Variants in DLGAP2 observed in about 807,000 individuals in gnomAD.
DLGAP2 encodes the protein DLG associated protein 2, also known as disks large-associated protein 2.
In DLGAP2, 26 loss-of-function variants were observed where a neutral mutation model predicts 100.3. The ratio of observed to expected loss-of-function variants is 0.26; its 90% CI spans 0.19 to 0.36. DLGAP2 has a LOEUF of 0.36. Among genes scored for constraint, DLGAP2 ranks in the 10% least tolerant of loss-of-function variants. The pLI is 1.00. For synonymous variants in DLGAP2, 886 were observed against 630.1 expected (o/e 1.41, Z -6.08); for missense variants, 1,858 against 1,453.2 (o/e 1.28, Z -4.53).
chr8:1,220,958 T>A (rs761238348), intron 2 of DLGAP2, among the ~76,000 whole-genome samples: 2 of 152,214 alleles, frequency 1.3e-5, no homozygotes, highest in Non-Finnish European at 2.9e-5. Flanking sequence ...TTGATAGATC[T>A]TTCTCCATAC....
At chr8:1,217,207 A>C (rs888301043) in intron 2 of DLGAP2, among the ~76,000 whole-genome samples, 6 of 152,050 alleles carry the variant, frequency 3.9e-5, no homozygotes, top group African/African-American at 7.2e-5. Context: ...GAGAACATGG[A>C]GTATTTAGTT....
intron 2 of DLGAP2, among the ~76,000 whole-genome samples, chr8:1,180,919 G>C (rs1797373582): frequency 7.0e-6 from 1 of 143,636 alleles, no homozygotes; most frequent in African/African-American, 2.6e-5. Context: ...GTGGGTGGCT[G>C]TGCAAGGGCA....
chr8:1,163,811 C>T (rs1432129013), intron 2 of DLGAP2, among the ~76,000 whole-genome samples: 1 of 152,174 alleles, frequency 6.6e-6, no homozygotes, highest in Non-Finnish European at 1.5e-5. Context: ...AGCAGCTGCC[C>T]GCGGGGTGTG....
chr8:1,682,710 G>A, intron 12 of DLGAP2, among the ~76,000 whole-genome samples: 1 of 151,504 alleles, frequency 6.6e-6, no homozygotes, highest in East Asian at 1.9e-4. Flanking sequence ...CTGGCCTCAA[G>A]TGATCTGCCC....
At chr8:1,587,077 C>T (rs1051475995) in intron 6 of DLGAP2, among the ~76,000 whole-genome samples, 1 of 152,166 alleles carries the variant, frequency 6.6e-6, no homozygotes, top group African/African-American at 2.4e-5. Flanking sequence ...TGGCTTATTG[C>T]CTGTTTCCCT....
intron 2 of DLGAP2, among the ~76,000 whole-genome samples, chr8:982,339 T>G (rs1428266133): frequency 6.6e-6 from 1 of 152,234 alleles, no homozygotes; most frequent in Non-Finnish European, 1.5e-5. Context: ...ATAATTTTTA[T>G]TTTCAACTAG....
chr8:1,365,409 C>G (rs1802087240), intron 3 of DLGAP2, among the ~76,000 whole-genome samples: 2 of 152,150 alleles, frequency 1.3e-5, no homozygotes, highest in Non-Finnish European at 2.9e-5. Context: ...GCTCTCCTCT[C>G]CAACCGTGGA....
chr8:886,856 TAG>T (rs955006311), intron 1 of DLGAP2, among the ~76,000 whole-genome samples: 1 of 152,178 alleles, frequency 6.6e-6, no homozygotes, highest in Admixed American at 6.5e-5. Flanking sequence ...TGATTGGGGG[TAG>T]AGAGTTCTGT....
chr8:1,451,012 T>C (rs1798144639), intron 3 of DLGAP2, among the ~76,000 whole-genome samples: 1 of 152,146 alleles, frequency 6.6e-6, no homozygotes, highest in Admixed American at 6.5e-5. Flanking sequence ...GGTCACCGAA[T>C]TCCAGGGCAT....
chr8:1,559,290 A>G (rs2130552701), intron 5 of DLGAP2, among the ~76,000 whole-genome samples: 1 of 152,340 alleles, frequency 6.6e-6, no homozygotes, highest in Admixed American at 6.5e-5. Flanking sequence ...ACTGAAGGCC[A>G]TAAAGCCATT....
chr8:860,865 G>A (rs1055023813), intron 1 of DLGAP2, among the ~76,000 whole-genome samples: 4 of 152,094 alleles, frequency 2.6e-5, no homozygotes, highest in Admixed American at 2.6e-4. Flanking sequence ...AAATCATGAC[G>A]CCTATGAAGA....
In DLGAP2 at chr8:1,330,722, G is replaced by A. The variant is rs73670760; in HGVS notation, c.106+71839G>A. 9.1e-4 allele frequency among the ~76,000 whole-genome samples: 119 copies of A among 131,112 alleles called. 3 individuals carry two copies. The highest frequency in any genetic ancestry group is 3.3e-3 in the African/African-American group (111 of 33,310). 86.0% of individuals were successfully genotyped at this position (131,112 alleles called of 152,430 possible). On this transcript the variant is annotated intron_variant, in intron 3 of 14. Coordinates refer to ENST00000637795, the MANE Select transcript of DLGAP2 (RefSeq NM_001346810.2). The stretch of plus-strand genomic sequence containing the variant: ...GTGGGATTGAGTTCTGGGTGGGAGC[G>A]CCACTTCACCAGGACTGAGTTCTGG...
At chr8:1,408,341 G>T (rs943918351) in intron 3 of DLGAP2, among the ~76,000 whole-genome samples, 1 of 152,218 alleles carries the variant, frequency 6.6e-6, no homozygotes, top group African/African-American at 2.4e-5. Context: ...CCTTCCCTCG[G>T]GGAGGCGTCT....
chr8:1,624,943 A>G (rs920876639), intron 6 of DLGAP2, among the ~76,000 whole-genome samples: 1 of 151,972 alleles, frequency 6.6e-6, no homozygotes, highest in African/African-American at 2.4e-5. Context: ...GCTATATGTT[A>G]TACATTTTCT....
chr8:1,569,938 T>G (rs1488039437), intron 6 of DLGAP2, among the ~76,000 whole-genome samples: 1 of 151,832 alleles, frequency 6.6e-6, no homozygotes, highest in Non-Finnish European at 1.5e-5. Flanking sequence ...GGGTAGATCT[T>G]CACCCCATGG....
At chr8:1,595,760 A>G (rs1001716615) in intron 6 of DLGAP2, among the ~76,000 whole-genome samples, 13 of 151,322 alleles carry the variant, frequency 8.6e-5, no homozygotes, top group African/African-American at 3.1e-4. Context: ...CAAATTCACC[A>G]CTACCCTGCC....
intron 3 of DLGAP2, among the ~76,000 whole-genome samples, chr8:1,266,570 A>G (rs1191671216): frequency 3.9e-5 from 6 of 152,236 alleles, no homozygotes; most frequent in African/African-American, 9.6e-5. Flanking sequence ...TTCCACATTC[A>G]TAATCTTGCC....
rs115905272 is a variant in DLGAP2 at position 1,082,483 on chromosome 8, G to A, written c.73+174517G>A. 8.3e-3 allele frequency among the ~76,000 whole-genome samples: 1,269 copies of A among 152,312 alleles called. 14 individuals are homozygous for A. Among genetic ancestry groups the A allele is most frequent in the African/African-American group, 0.02 (851 of 41,562 alleles). On this transcript the variant is annotated intron_variant, in intron 2 of 14. Transcript: ENST00000637795. Reference sequence around the variant, plus strand: ...CATTGGGGGTGCCGTGGCTCTCAGAGGAAACTGATAGCAAACTCATGCACA... The same window carrying A: ...CATTGGGGGTGCCGTGGCTCTCAGAAGAAACTGATAGCAAACTCATGCACA...
chr8:1,092,551 G>C (rs934872894), intron 2 of DLGAP2, among the ~76,000 whole-genome samples: 1 of 152,198 alleles, frequency 6.6e-6, no homozygotes, highest in Non-Finnish European at 1.5e-5. Context: ...GGGGGCTGTG[G>C]CCGGCTCTGT....
Sources: allele counts gnomAD v4.1 joint callset (sites outside exome capture counted in the v4.1 genomes callset), GRCh38; gene constraint gnomAD v4.1.1; transcripts MANE v1.5; gene names NCBI Gene and HGNC (gene_info 2026-07-23, HGNC 2026-07-21).